Variants in WDR7 observed in about 807,000 individuals in gnomAD.
WDR7 encodes WD repeat domain 7.
A neutral mutation model predicts 169.4 loss-of-function variants in WDR7; 46 were observed. The observed-to-expected ratio is 0.27, with a 90% CI of 0.21 to 0.35. The LOEUF (loss-of-function observed/expected upper bound fraction) is 0.35. WDR7 is among the 10% of genes least tolerant of loss of function. The pLI is 1.00. For synonymous variants in WDR7, 612 were observed against 666.8 expected (o/e 0.92, Z 1.27); for missense variants, 1,534 against 1,859.3 (o/e 0.83, Z 3.22).
At chr18:56,775,724 T>C (rs2044231798) in intron 16 of WDR7, among the ~76,000 whole-genome samples, 1 of 151,790 alleles carries the variant, frequency 6.6e-6, no homozygotes, top group South Asian at 2.1e-4. Flanking sequence ...ACTGTTTACC[T>C]CACACGTGCC....
chr18:56,743,406 A>G (rs1424936026), intron 14 of WDR7, among the ~76,000 whole-genome samples: 1 of 152,116 alleles, frequency 6.6e-6, no homozygotes, highest in Non-Finnish European at 1.5e-5. Context: ...AGGAAAAGGA[A>G]ACGATTTAGA....
At chr18:56,810,963 C>T (rs1481021960) in intron 19 of WDR7, among the ~76,000 whole-genome samples, 1 of 151,768 alleles carries the variant, frequency 6.6e-6, no homozygotes, top group East Asian at 1.9e-4. Context: ...CACCTCAGCC[C>T]TAGGCCAATC....
rs576702389 is a variant in WDR7, at chr18:56,745,821, C to G, written c.1990-10762C>G. Reference sequence around the variant, plus strand: ...CTTAGTAACTCACTTTACTAAATGACCCTATGCTTAACATTGTGTCATTTG... The same window carrying G: ...CTTAGTAACTCACTTTACTAAATGAGCCTATGCTTAACATTGTGTCATTTG... On this transcript the variant is annotated intron_variant, in intron 14 of 27. Transcript: ENST00000254442. Among the ~76,000 whole-genome samples, 4 of 152,268 alleles carry G rather than the reference C, an allele frequency of 2.6e-5. No homozygotes were observed. The East Asian group carries it at 7.7e-4, about 29-fold the overall frequency.
chr18:57,017,457 C>A (rs1225659687), intron 26 of WDR7, among the ~76,000 whole-genome samples: 1 of 131,090 alleles, frequency 7.6e-6, no homozygotes, highest in Admixed American at 7.5e-5. Flanking sequence ...TGTGTGTGTG[C>A]TGTTCTTATC....
intron 21 of WDR7, among the ~76,000 whole-genome samples, chr18:56,911,496 T>A (rs144422194): frequency 6.6e-6 from 1 of 152,310 alleles, no homozygotes; most frequent in South Asian, 2.1e-4. Context: ...TCAGTGTTTG[T>A]CCATTTACCA....
chr18:56,812,758 A>C (rs990614258), intron 19 of WDR7, among the ~76,000 whole-genome samples: 1 of 151,982 alleles, frequency 6.6e-6, no homozygotes, highest in Non-Finnish European at 1.5e-5. Context: ...AGGAGTGAGA[A>C]TTTGCTTTTT....
At chr18:56,727,104 A>G (rs1048289229) in intron 13 of WDR7, among the ~76,000 whole-genome samples, 1 of 152,238 alleles carries the variant, frequency 6.6e-6, no homozygotes, top group Non-Finnish European at 1.5e-5. Context: ...GATGTTAGTC[A>G]GTGTTCAGAC....
chr18:56,882,180 C>T (rs1478633211), intron 21 of WDR7, among the ~76,000 whole-genome samples: 1 of 152,212 alleles, frequency 6.6e-6, no homozygotes, highest in African/African-American at 2.4e-5. Flanking sequence ...GCTTAAATCT[C>T]ACCATTTCTA....
At chr18:56,777,463 T>A (rs1474668124) in intron 17 of WDR7, among the ~76,000 whole-genome samples, 1 of 152,320 alleles carries the variant, frequency 6.6e-6, no homozygotes, top group Non-Finnish European at 1.5e-5. Flanking sequence ...ATGTTATCTC[T>A]GTGGAGTTAC....
chr18:56,975,951 T>G (rs2047558783), intron 26 of WDR7, among the ~76,000 whole-genome samples: 2 of 152,324 alleles, frequency 1.3e-5, no homozygotes, highest in African/African-American at 4.8e-5. Flanking sequence ...GTTGAGTGCA[T>G]AAATTAATAC....
intron 21 of WDR7, among the ~76,000 whole-genome samples, chr18:56,883,351 C>T (rs1335168285): frequency 1.3e-5 from 2 of 151,902 alleles, no homozygotes; most frequent in African/African-American, 4.8e-5. Flanking sequence ...GTTGTCATCA[C>T]TTTTCTAATC....
In WDR7 at chr18:56,696,336, C is replaced by T. The variant is rs1481901583; in HGVS notation, c.1452C>T (p.Tyr484=). Reference sequence around the variant, plus strand: ...TCTCAGCTCGGTATGATCAAAGATACCTGATATCTGGAGGTGTGGATTTTT... The same window carrying T: ...TCTCAGCTCGGTATGATCAAAGATATCTGATATCTGGAGGTGTGGATTTTT... ...HQVSARYDQR[Y]LISGGVDFSV... Residue 484 remains tyrosine, a synonymous_variant, in exon 12 of 28, where the codon TAC becomes TAT. Coordinates refer to ENST00000254442, the MANE Select transcript of WDR7 (RefSeq NM_015285.3). 1.9e-6 allele frequency: 3 copies of T among 1,614,038 alleles called. No homozygotes were observed. The highest frequency in any genetic ancestry group is 1.7e-5 in the Admixed American group (1 of 60,000).
intron 19 of WDR7, among the ~76,000 whole-genome samples, chr18:56,787,142 G>A (rs537318203): frequency 6.7e-4 from 102 of 152,010 alleles, no homozygotes; most frequent in Non-Finnish European, 1.1e-3. Context: ...TTTTTTATGA[G>A]GTCAAGCACC....
intron 20 of WDR7, chr18:56,873,970 C>T (rs1369094241): frequency 6.6e-6 from 1 of 152,202 alleles, no homozygotes; most frequent in Non-Finnish European, 1.5e-5. Flanking sequence ...GCTGACAGAA[C>T]AATCAGTGCA....
chr18:56,744,107 C>T lies in WDR7; in HGVS notation c.1990-12476C>T, dbSNP rs911909067. On this transcript the variant is annotated intron_variant, in intron 14 of 27. Coordinates refer to ENST00000254442, the MANE Select transcript of WDR7 (RefSeq NM_015285.3). ...ACAAAAAGTTAGCTGGGCGTAGTGG[C>T]GGGCGCCTGTAGTCCCAGCTACTCG... Among the ~76,000 whole-genome samples the T allele has an allele frequency of 9.0e-4, 137 of 151,574 alleles. 1 individual carries two copies. Among genetic ancestry groups the T allele is most frequent in the African/African-American group, 3.0e-3 (126 of 41,434 alleles).
At chr18:56,935,542 G>A (rs78262592) in intron 22 of WDR7, among the ~76,000 whole-genome samples, 5,251 of 152,128 alleles carry the variant, frequency 0.035, 311 homozygotes, top group African/African-American at 0.12. Flanking sequence ...TGTTAACAAG[G>A]CGTTTTTAAC....
Position 56,756,900 on chromosome 18 carries a change from G to C in WDR7, c.2307G>C (p.Met769Ile). 2.5e-6 allele frequency: 4 copies of C among 1,614,062 alleles called. 1 individual carries two copies. In the South Asian group the frequency reaches 4.4e-5, roughly 18 times the overall value. Residue 769 changes from methionine to isoleucine, a missense_variant, in exon 15 of 28, where the codon ATG becomes ATC. Physicochemically the swap from Met to Ile is conservative, Grantham distance 10. Transcript: ENST00000254442. The stretch of plus-strand genomic sequence containing the variant: ...ATGAAGAGGAGGATGAGGAGATAAT[G>C]AGGCAGAGAAGGGAAGAAAGTGATC... ...LDDEEEDEEI[M>I]RQRREESDPE...
chr18:56,828,327 A>G (rs1204275092), intron 20 of WDR7, among the ~76,000 whole-genome samples: 1 of 152,212 alleles, frequency 6.6e-6, no homozygotes, highest in East Asian at 1.9e-4. Flanking sequence ...TATTTGACGA[A>G]ACAGACATAA....
At position 56,952,005 on chromosome 18, in the gene WDR7, A is replaced by G. The variant is rs78503980; in HGVS notation, c.4065-10425A>G. The stretch of plus-strand genomic sequence containing the variant: ...CTTTTATGAAAAATGATGTTTGCCA[A>G]CCTCTTTGATGTCTGGCTTAACATA... On this transcript the variant is annotated intron_variant, in intron 25 of 27. Coordinates refer to ENST00000254442, the MANE Select transcript of WDR7 (RefSeq NM_015285.3). Among the ~76,000 whole-genome samples, 499 of 152,312 alleles carry G rather than the reference A, an allele frequency of 3.3e-3. 4 individuals carry two copies. The highest frequency in any genetic ancestry group is 0.011 in the African/African-American group (473 of 41,582).
Sources: gnomAD v4.1 joint callset for allele counts (sites outside exome capture counted in the v4.1 genomes callset) on GRCh38, gnomAD v4.1.1 for gene constraint, MANE v1.5 for transcripts, NCBI Gene and HGNC (gene_info 2026-07-23, HGNC 2026-07-21) for gene names.